The following ZNF148 variants were observed in gnomAD, a reference collection of about 807,000 sequenced individuals.
ZNF148 encodes the protein zinc finger protein 148.
A neutral mutation model predicts 67.7 loss-of-function variants in ZNF148; 7 were observed. That is an observed-to-expected ratio of 0.10 (90% confidence interval 0.06 to 0.19). The LOEUF is 0.19. ZNF148 is among the 10% of genes least tolerant of loss of function. The pLI, the probability that ZNF148 is intolerant of heterozygous loss-of-function variation, is 1.00. For synonymous variants in ZNF148, 333 were observed against 330.7 expected, an observed-to-expected ratio of 1.01 and a Z score of -0.08; for missense variants, 583 against 947.1, an observed-to-expected ratio of 0.62 and a Z score of 5.05.
At chr3:125,335,350 G>T (rs553009563) in intron 1 of ZNF148, among the ~76,000 whole-genome samples, 4 of 152,126 alleles carry the variant, frequency 2.6e-5, no homozygotes, top group Admixed American at 1.3e-4. Context: ...TTCTAATTAT[G>T]GAATCACAGA....
chr3:125,322,388 C>G (rs538159344), intron 3 of ZNF148, among the ~76,000 whole-genome samples: 1 of 151,952 alleles, frequency 6.6e-6, no homozygotes, highest in East Asian at 1.9e-4. Context: ...TCCCCAGAAT[C>G]TGTTCTCTCC....
chr3:125,322,027 C>CTTTTTTTTTTTTTTTTTTTT, intron 3 of ZNF148, among the ~76,000 whole-genome samples: 1 of 82,928 alleles, frequency 1.2e-5, no homozygotes, highest in Non-Finnish European at 2.1e-5. Flanking sequence ...TAATCAACGG[C>CTTTTTTTTTTTTTTTTTTTT]TTTTTTTTTT....
intron 1 of ZNF148, among the ~76,000 whole-genome samples, chr3:125,334,909 T>C (rs913091107): frequency 3.3e-5 from 5 of 152,154 alleles, no homozygotes; most frequent in African/African-American, 1.2e-4. Flanking sequence ...ATCTCCAGCA[T>C]ACAGCAGAAT....
intron 4 of ZNF148, among the ~76,000 whole-genome samples, chr3:125,299,452 G>A (rs1939470422): frequency 6.6e-6 from 1 of 152,196 alleles, no homozygotes; most frequent in Non-Finnish European, 1.5e-5. Context: ...CTGGCTTGAA[G>A]CCAGGAGTTC....
rs941099236 is a variant in ZNF148, at chr3:125,370,279, C to G, written c.-234+4823G>C. On this transcript the variant is annotated intron_variant, in intron 1 of 8. Transcript: ENST00000360647. ...TTCTTCCCTTAAATCTAAAGGTCCT[C>G]TCCAGATATCCCTTTTGTCCTTCAC... is the stretch of plus-strand genomic sequence containing the variant. Among the ~76,000 whole-genome samples the G allele has an allele frequency of 6.6e-5, 10 of 152,156 alleles. No individual in the cohort carries two copies. In the East Asian group the frequency reaches 1.9e-3, roughly 29 times the overall value.
At chr3:125,334,203 A>G (rs1941401416) in intron 1 of ZNF148, among the ~76,000 whole-genome samples, 1 of 152,202 alleles carries the variant, frequency 6.6e-6, no homozygotes, top group African/African-American at 2.4e-5. Context: ...CAATATACTT[A>G]CTAGCAGGTG....
chr3:125,262,354 C>T (rs1482659765), intron 7 of ZNF148, among the ~76,000 whole-genome samples: 2 of 152,210 alleles, frequency 1.3e-5, no homozygotes, highest in African/African-American at 4.8e-5. Context: ...ACTTTCTTTG[C>T]ACTTGCATCA....
rs1402189911 is a variant in ZNF148, at chr3:125,233,167, G to A, written c.1559C>T (p.Ser520Leu). The change falls in exon 9 of 9, where the codon TCA becomes TTA. Residue 520 changes from serine (S) to leucine (L), a missense_variant. Transcript: ENST00000360647. This position sits in a 1 kb window ranked among gnomAD's most constrained non-coding sequence, Gnocchi z 5.1. The part of the protein sequence containing the change: ...DESTTASILE[S>L]QALNVEIKSN... ...CTTAATCTCCACATTCAGTGCCTGT[G>A]ACTCTAATATGGATGCCGTGGTACT... The A allele has an allele frequency of 6.2e-7, 1 of 1,613,832 alleles. No individual in the cohort carries two copies. Among genetic ancestry groups the A allele is most frequent in the South Asian group, 1.1e-5 (1 of 91,066 alleles).
Position 125,227,384 on chromosome 3 carries a change from G to A in ZNF148, c.*4957C>T, listed in dbSNP as rs969116362. 3 of 152,512 alleles carry A rather than the reference G, an allele frequency of 2.0e-5. No homozygotes were observed. Among genetic ancestry groups the A allele is most frequent in the African/African-American group, 7.2e-5 (3 of 41,398 alleles). The allele number at this position is 152,512 out of a possible 1,614,324, so 9.4% of individuals were successfully genotyped here. A position where few individuals can be genotyped will look rare whatever the true frequency, so the allele number is the denominator to read the frequency against. Reference sequence around the variant, plus strand: ...CCTTTATTAGTTGAAATACAAAGAAGGCATAGGGGATCCCAGGAAAATAAC... The same window carrying A: ...CCTTTATTAGTTGAAATACAAAGAAAGCATAGGGGATCCCAGGAAAATAAC... On this transcript the variant is annotated 3_prime_UTR_variant, in exon 9 of 9. Coordinates refer to ENST00000360647, the MANE Select transcript of ZNF148 (RefSeq NM_021964.3).
chr3:125,289,616 G>A (rs1053252374), intron 4 of ZNF148, among the ~76,000 whole-genome samples: 5 of 152,116 alleles, frequency 3.3e-5, no homozygotes, highest in Admixed American at 2.0e-4. Flanking sequence ...AACTGGGAAT[G>A]GGTATGAGAC....
At chr3:125,295,774 A>G (rs902733704) in intron 4 of ZNF148, among the ~76,000 whole-genome samples, 3 of 152,200 alleles carry the variant, frequency 2.0e-5, no homozygotes, top group African/African-American at 7.2e-5. Flanking sequence ...AGTACAGAGC[A>G]GTATGAAGTA....
At chr3:125,271,580 A>G (rs899413554) in intron 7 of ZNF148, among the ~76,000 whole-genome samples, 2 of 152,256 alleles carry the variant, frequency 1.3e-5, no homozygotes, top group Non-Finnish European at 2.9e-5. Context: ...ATTGTTATTT[A>G]CCAGTTATAC....
intron 1 of ZNF148, among the ~76,000 whole-genome samples, chr3:125,348,816 A>G (rs546193777): frequency 1.3e-5 from 2 of 152,338 alleles, no homozygotes; most frequent in South Asian, 2.1e-4. Flanking sequence ...AAAGAACAAC[A>G]AAGCTAAAGG....
intron 2 of ZNF148, among the ~76,000 whole-genome samples, 181 bp from the exon 3 acceptor site, chr3:125,323,625 T>C (rs1200338124): frequency 4.6e-5 from 7 of 152,056 alleles, no homozygotes; most frequent in Non-Finnish European, 8.8e-5. Context: ...AATACAATAG[T>C]GGTAAGTAGA....
chr3:125,298,372 C>CACACACACACACACAT (rs1050902396), intron 4 of ZNF148, among the ~76,000 whole-genome samples: 1 of 151,856 alleles, frequency 6.6e-6, no homozygotes, highest in Non-Finnish European at 1.5e-5. Context: ...CACACACACA[C>CACACACACACACACAT]ATGCTCCTTT....
Position 125,230,432 on chromosome 3 carries a change from T to C in ZNF148, c.*1909A>G, listed in dbSNP as rs1487137433. The C allele has an allele frequency of 6.6e-6, 1 of 152,518 alleles. No homozygotes were observed. The highest frequency in any genetic ancestry group is 2.4e-5 in the African/African-American group (1 of 41,426). The allele number at this position is 152,518 out of a possible 1,614,324, so 9.4% of individuals were successfully genotyped here. Reference sequence around the variant, plus strand: ...AAGAAGTCTTAAATTCTTGAAAACTTTGGCAGCAAAGAAAGCTGTCAAACG... The same window carrying C: ...AAGAAGTCTTAAATTCTTGAAAACTCTGGCAGCAAAGAAAGCTGTCAAACG... On this transcript the variant is annotated 3_prime_UTR_variant, in exon 9 of 9. Coordinates refer to ENST00000360647, the MANE Select transcript of ZNF148 (RefSeq NM_021964.3).
chr3:125,371,026 A>G (rs1942862033), intron 1 of ZNF148, among the ~76,000 whole-genome samples: 1 of 152,102 alleles, frequency 6.6e-6, no homozygotes, highest in Non-Finnish European at 1.5e-5. Context: ...AAACACATGT[A>G]TATGCCAATC....
intron 1 of ZNF148, among the ~76,000 whole-genome samples, chr3:125,352,098 G>A (rs1255339533): frequency 6.7e-6 from 1 of 148,432 alleles, no homozygotes; most frequent in Admixed American, 6.8e-5. Context: ...GCACATGGAC[G>A]TTCACAGCAG....
chr3:125,315,378 T>G (rs1160555262), intron 3 of ZNF148, among the ~76,000 whole-genome samples: 1 of 151,972 alleles, frequency 6.6e-6, no homozygotes, highest in Non-Finnish European at 1.5e-5. Context: ...AAACAACCAT[T>G]AAATATATAA....
Sources: gnomAD v4.1 joint callset for allele counts (sites outside exome capture counted in the v4.1 genomes callset) on GRCh38, gnomAD v4.1.1 for gene constraint, Gnocchi (gnomAD v3.1) non-coding constraint, MANE v1.5 for transcripts, NCBI Gene and HGNC (gene_info 2026-07-23, HGNC 2026-07-21) for gene names.